Variants in PAK5 observed in about 807,000 individuals in gnomAD.
PAK5 encodes p21 (RAC1) activated kinase 5, also known as serine/threonine-protein kinase PAK 5.
Under a neutral mutation model 65.9 loss-of-function variants are expected in PAK5, and 16 were observed. That is an observed-to-expected ratio of 0.24 (90% CI 0.16 to 0.37). The LOEUF (loss-of-function observed/expected upper bound fraction) is 0.37, where lower values mean the gene tolerates loss of function less well. PAK5 is among the 10% of genes least tolerant of loss of function. The pLI is 1.00. For synonymous variants in PAK5, 371 were observed against 354.9 expected, an observed-to-expected ratio of 1.05 and a Z score of -0.51; for missense variants, 785 against 903.9, an observed-to-expected ratio of 0.87 and a Z score of 1.69.
At chr20:9,640,932 C>T (rs1309114676) in intron 3 of PAK5, among the ~76,000 whole-genome samples, 3 of 152,118 alleles carry the variant, frequency 2.0e-5, no homozygotes, top group Non-Finnish European at 2.9e-5. Flanking sequence ...TTGCAAAGAG[C>T]GAAAGAACAA....
chr20:9,734,405 G>A (rs1367801394), intron 1 of PAK5, among the ~76,000 whole-genome samples: 1 of 151,998 alleles, frequency 6.6e-6, no homozygotes, highest in Non-Finnish European at 1.5e-5. Context: ...TAAGAGAAGG[G>A]ATACATACAG....
intron 3 of PAK5, among the ~76,000 whole-genome samples, chr20:9,642,720 A>G (rs1244965036): frequency 2.0e-5 from 3 of 152,230 alleles, no homozygotes; most frequent in Admixed American, 1.3e-4. Context: ...AGAGTTGGTT[A>G]GTCAGTTTCT....
chr20:9,624,944 C>T (rs1226045175), intron 3 of PAK5, among the ~76,000 whole-genome samples: 1 of 152,216 alleles, frequency 6.6e-6, no homozygotes, highest in East Asian at 1.9e-4. Flanking sequence ...AGTAAGGATT[C>T]TTCACATTGG....
rs1160496547 is a variant in PAK5, at chr20:9,766,256, GTT to G, written c.-161-54823_-161-54822del. Reference sequence around the variant, plus strand: ...AAAAAAGAAAAAAATATATATATATGTTCTAATTGAATATATATATATTCTAA... The same window carrying G: ...AAAAAAGAAAAAAATATATATATATGCTAATTGAATATATATATATTCTAA... On this transcript the variant is annotated intron_variant, in intron 1 of 9. Transcript: ENST00000353224. Among the ~76,000 whole-genome samples the G allele has an allele frequency of 4.5e-3, 248 of 55,546 alleles. 1 individual carries two copies. Among genetic ancestry groups the G allele is most frequent in the African/African-American group, 8.3e-3 (93 of 11,266 alleles). The allele number at this position is 55,546 out of a possible 152,430, so 36.4% of individuals were successfully genotyped here.
chr20:9,665,085 G>GTTTTTTTTTTTTTTTTTTTTTTTT lies in PAK5; in HGVS notation c.-11-20747_-11-20746insAAAAAAAAAAAAAAAAAAAAAAAA, dbSNP rs754435525. On this transcript the variant is annotated intron_variant, in intron 2 of 9. Coordinates refer to ENST00000353224, the MANE Select transcript of PAK5 (RefSeq NM_177990.4). ...CCACCATGCCCAGCTAAATTTTTCT[G>GTTTTTTTTTTTTTTTTTTTTTTTT]TTTTTTTTTTTTTTTGTAGTGATGA... is the stretch of plus-strand genomic sequence containing the variant. Among the ~76,000 whole-genome samples, 13 of 98,920 alleles carry GTTTTTTTTTTTTTTTTTTTTTTTT rather than the reference G, an allele frequency of 1.3e-4. 2 individuals are homozygous for GTTTTTTTTTTTTTTTTTTTTTTTT. The highest frequency in any genetic ancestry group is 4.9e-4 in the African/African-American group (12 of 24,606). The allele number at this position is 98,920 out of a possible 152,430, so 64.9% of individuals were successfully genotyped here.
At chr20:9,740,345 G>C (rs1053016871) in intron 1 of PAK5, among the ~76,000 whole-genome samples, 1 of 152,112 alleles carries the variant, frequency 6.6e-6, no homozygotes, top group African/African-American at 2.4e-5. Flanking sequence ...GATGTGAAAG[G>C]CATTTGTGTG....
intron 3 of PAK5, among the ~76,000 whole-genome samples, chr20:9,618,936 T>G (rs1324662834): frequency 3.4e-5 from 4 of 119,330 alleles, no homozygotes; most frequent in South Asian, 3.2e-4. Context: ...TTTTTTTTTT[T>G]TTTTTTTTTT....
chr20:9,604,033 A>G (rs1311671118), intron 3 of PAK5, among the ~76,000 whole-genome samples: 2 of 152,230 alleles, frequency 1.3e-5, no homozygotes, highest in Non-Finnish European at 2.9e-5. Context: ...CCACACCACA[A>G]ATTATTGATA....
At position 9,815,324 on chromosome 20, in the gene PAK5, T is replaced by C. The variant is rs192190426; in HGVS notation, c.-162+23438A>G. Among the ~76,000 whole-genome samples the C allele has an allele frequency of 8.1e-4, 124 of 152,288 alleles. 1 individual carries two copies. In the Middle Eastern group the frequency reaches 0.01, roughly 13 times the overall value. The stretch of plus-strand genomic sequence containing the variant: ...TCTGCATTGAAAATATGAATATGAA[T>C]GCCTGCCATCATTCCTCAGGAACAC... On this transcript the variant is annotated intron_variant, in intron 1 of 9. Transcript: ENST00000353224.
intron 3 of PAK5, among the ~76,000 whole-genome samples, chr20:9,583,996 T>C (rs971800123): frequency 2.0e-5 from 3 of 152,288 alleles, no homozygotes; most frequent in Non-Finnish European, 2.9e-5. Flanking sequence ...ATTCATTATA[T>C]GGAATGTAGT....
chr20:9,563,121 G>C, intron 5 of PAK5, 97 bp from the exon 6 acceptor site: 1 of 1,055,434 alleles, frequency 9.5e-7, no homozygotes, highest in Non-Finnish European at 1.4e-6. Flanking sequence ...CTGATTGAGA[G>C]GTACTGATTG....
At chr20:9,599,192 T>C (rs1050928565) in intron 3 of PAK5, among the ~76,000 whole-genome samples, 4 of 152,280 alleles carry the variant, frequency 2.6e-5, no homozygotes, top group Non-Finnish European at 4.4e-5. Context: ...GTAACATGTA[T>C]AAGAATTTCA....
chr20:9,833,586 A>G (rs1978909427), intron 1 of PAK5, among the ~76,000 whole-genome samples: 1 of 151,212 alleles, frequency 6.6e-6, no homozygotes, highest in Admixed American at 6.6e-5. Context: ...CTCCCATCTT[A>G]CCACCACCAC....
Position 9,550,734 on chromosome 20 carries a change from GT to G in PAK5, c.1744-6241del, listed in dbSNP as rs1285953682. 1.0e-4 allele frequency among the ~76,000 whole-genome samples: 3 copies of G among 29,524 alleles called. No individual in the cohort carries two copies. In the Admixed American group the frequency reaches 2.0e-3, roughly 20 times the overall value. The allele number at this position is 29,524 out of a possible 152,430, so 19.4% of individuals were successfully genotyped here. On this transcript the variant is annotated intron_variant, in intron 7 of 9. Coordinates refer to ENST00000353224, the MANE Select transcript of PAK5 (RefSeq NM_177990.4). ...GAAGCATAGAAACCATAATTGTGGTGTGTGTGTGTGTGTGTGTGTGTGTGTG... is the reference window on the plus strand; with the variant it reads ...GAAGCATAGAAACCATAATTGTGGTGGTGTGTGTGTGTGTGTGTGTGTGTG...
chr20:9,780,694 C>G (rs771713380), intron 1 of PAK5, among the ~76,000 whole-genome samples: 1 of 151,968 alleles, frequency 6.6e-6, no homozygotes, highest in South Asian at 2.1e-4. Flanking sequence ...TACACACCCC[C>G]CTTGGAAGCT....
intron 3 of PAK5, among the ~76,000 whole-genome samples, chr20:9,618,091 G>A (rs568967180): frequency 6.6e-6 from 1 of 152,276 alleles, no homozygotes; most frequent in East Asian, 1.9e-4. Flanking sequence ...CATTATGTAA[G>A]CATGTGACAA....
intron 3 of PAK5, among the ~76,000 whole-genome samples, chr20:9,607,390 A>C (rs142604753): frequency 1.8e-4 from 27 of 152,324 alleles, no homozygotes; most frequent in African/African-American, 5.8e-4. Flanking sequence ...AATAAGACTA[A>C]AAAGAGATAT....
At chr20:9,825,970 G>A (rs966885067) in intron 1 of PAK5, among the ~76,000 whole-genome samples, 9 of 152,154 alleles carry the variant, frequency 5.9e-5, no homozygotes, top group Non-Finnish European at 1.0e-4. Flanking sequence ...TAATGACCAA[G>A]AGGGTAACAT....
intron 2 of PAK5, among the ~76,000 whole-genome samples, chr20:9,652,689 T>TGGATC (rs1419690135): frequency 6.6e-6 from 1 of 152,194 alleles, no homozygotes; most frequent in African/African-American, 2.4e-5. Context: ...TTTTTTGACC[T>TGGATC]GGATCATAAT....
Sources: allele counts gnomAD v4.1 joint callset (sites outside exome capture counted in the v4.1 genomes callset), GRCh38; gene constraint gnomAD v4.1.1; transcripts MANE v1.5; gene names NCBI Gene and HGNC (gene_info 2026-07-23, HGNC 2026-07-21).